CMC1: variants seen among roughly 807,000 people sequenced by gnomAD.
CMC1 encodes C-X9-C motif containing 1.
A neutral mutation model predicts 14.1 loss-of-function variants in CMC1; 14 were observed. The observed-to-expected ratio is 0.99, with a 90% CI of 0.66 to 1.55. The LOEUF (loss-of-function observed/expected upper bound fraction) is 1.55. CMC1 is among the 40% of genes most tolerant of loss of function. CMC1 has a pLI of 0.00. For missense variants in CMC1, 127 were observed against 123.8 expected (o/e 1.03, Z -0.12); for synonymous variants, 50 against 38.4 (o/e 1.30, Z -1.12).
At chr3:28,275,321 G>A (rs979421980) in intron 2 of CMC1, among the ~76,000 whole-genome samples, 1 of 126,186 alleles carries the variant, frequency 7.9e-6, no homozygotes, top group South Asian at 2.5e-4. Flanking sequence ...GTTACTGTTA[G>A]TTGTTTGTTT....
At chr3:28,302,600 T>C in intron 2 of CMC1, among the ~76,000 whole-genome samples, 1 of 152,220 alleles carries the variant, frequency 6.6e-6, no homozygotes, top group East Asian at 1.9e-4. Context: ...TTATATTTTG[T>C]TTGAAGAAGC....
At chr3:28,288,112 C>G (rs1016632536) in intron 2 of CMC1, among the ~76,000 whole-genome samples, 2 of 151,938 alleles carry the variant, frequency 1.3e-5, no homozygotes, top group African/African-American at 4.8e-5. Context: ...TTGAACAGCT[C>G]TGGTATTGAT....
In CMC1 at chr3:28,263,370, A is replaced by G. The variant is rs572139234; in HGVS notation, c.99A>G (p.Glu33=). ...AAAAGGCCAAAGAGAGGTGTTCTGA[A>G]CAAGTTCAAGGTAACATTCAAATAT... ...MREKAKERCS[E]QVQDFTKCCK... is the part of the protein sequence containing the mutation. The change falls in exon 2 of 4, where the codon GAA becomes GAG. Residue 33 remains glutamate (E), a synonymous_variant. Transcript: ENST00000466830. The G allele has an allele frequency of 9.3e-5, 148 of 1,596,652 alleles. 4 individuals are homozygous for G. In the South Asian group the frequency reaches 9.8e-4, roughly 11 times the overall value.
chr3:28,309,941 C>CCACA (rs57007112), intron 2 of CMC1, among the ~76,000 whole-genome samples: 1,876 of 132,524 alleles, frequency 0.014, 24 homozygotes, highest in South Asian at 0.018. Context: ...CTGACGTCCA[C>CCACA]CACACACACA....
Position 28,322,350 on chromosome 3 carries a change from C to T in CMC1, c.*2721C>T, listed in dbSNP as rs1338618787. 6.6e-6 allele frequency: 1 copy of T among 151,228 alleles called. No individual in the cohort carries two copies. The highest frequency in any genetic ancestry group is 1.5e-5 in the Non-Finnish European group (1 of 67,424). 9.4% of individuals were successfully genotyped at this position (151,228 alleles called of 1,614,324 possible). A position where few individuals can be genotyped will look rare whatever the true frequency, so the allele number is the denominator to read the frequency against. On this transcript the variant is annotated 3_prime_UTR_variant, in exon 4 of 4. Coordinates refer to ENST00000466830, the MANE Select transcript of CMC1 (RefSeq NM_182523.2). ...TATAGGCAAGGACAATATTTCACAT[C>T]CACTTCAATTTCAAACAAAAATATT... is the stretch of plus-strand genomic sequence containing the variant.
At chr3:28,280,458 A>G (rs539376545) in intron 2 of CMC1, among the ~76,000 whole-genome samples, 2 of 152,306 alleles carry the variant, frequency 1.3e-5, no homozygotes, top group South Asian at 4.1e-4. Context: ...ATGATGAAGT[A>G]TTTCTGGGTA....
chr3:28,316,405 A>G lies in CMC1; in HGVS notation c.182A>G (p.Lys61Arg), dbSNP rs759719927. 1.9e-6 allele frequency: 3 copies of G among 1,593,424 alleles called. No homozygotes were observed. The highest frequency in any genetic ancestry group is 2.6e-6 in the Non-Finnish European group (3 of 1,168,388). Residue 61 changes from lysine (K) to arginine (R), a missense_variant, in exon 3 of 4, where the codon AAA becomes AGA. Lys to Arg is a conservative substitution (Grantham distance 26, BLOSUM62 2). Transcript: ENST00000466830. The part of the protein sequence containing the change: ...VKCRKENSAL[K>R]ECLTAYYNDP... ...TGCCGGAAAGAAAATTCTGCATTGA[A>G]AGAATGTCTAACTGCTTAGTAAGTA...
At chr3:28,254,866 A>G (rs1196636259) in intron 1 of CMC1, among the ~76,000 whole-genome samples, 1 of 152,212 alleles carries the variant, frequency 6.6e-6, no homozygotes, top group Non-Finnish European at 1.5e-5. Flanking sequence ...ATTACACTGA[A>G]TAGTTACTGA....
intron 1 of CMC1, among the ~76,000 whole-genome samples, chr3:28,260,581 T>C (rs1699685786): frequency 6.6e-6 from 1 of 151,826 alleles, no homozygotes; most frequent in Admixed American, 6.6e-5. Flanking sequence ...ATTTGTGTGG[T>C]ATTCTTTATT....
intron 1 of CMC1, among the ~76,000 whole-genome samples, chr3:28,246,438 C>CAAAA (rs1698833494): frequency 6.6e-6 from 1 of 152,088 alleles, no homozygotes; most frequent in Non-Finnish European, 1.5e-5. Flanking sequence ...TAAACCATTT[C>CAAAA]AAGGATTTTG....
chr3:28,268,898 T>C (rs971600987), intron 2 of CMC1, among the ~76,000 whole-genome samples: 1 of 152,206 alleles, frequency 6.6e-6, no homozygotes, highest in Non-Finnish European at 1.5e-5. Flanking sequence ...GGTTTCACTT[T>C]CCATGGTTTC....
chr3:28,309,790 T>C (rs1253676616), intron 2 of CMC1, among the ~76,000 whole-genome samples: 1 of 150,984 alleles, frequency 6.6e-6, no homozygotes, highest in Admixed American at 6.6e-5. Context: ...TCGTATTTGG[T>C]ACATGCCTTT....
At chr3:28,252,610 G>A (rs557663699) in intron 1 of CMC1, among the ~76,000 whole-genome samples, 6 of 152,260 alleles carry the variant, frequency 3.9e-5, no homozygotes, top group Admixed American at 1.3e-4. Flanking sequence ...TTCAAATGGT[G>A]CTTCTGAAAC....
intron 1 of CMC1, among the ~76,000 whole-genome samples, chr3:28,256,794 C>T (rs754464582): frequency 6.6e-6 from 1 of 152,144 alleles, no homozygotes; most frequent in Admixed American, 6.5e-5. Flanking sequence ...CTAGTTACTA[C>T]TTAACCACTT....
chr3:28,317,582 A>AT (rs1386230111), intron 3 of CMC1: 1 of 152,048 alleles, frequency 6.6e-6, no homozygotes, highest in African/African-American at 2.4e-5. Context: ...TTCAGTCATC[A>AT]TAATTGTTAT....
At chr3:28,243,903 G>T (rs1376061620) in intron 1 of CMC1, among the ~76,000 whole-genome samples, 1 of 152,226 alleles carries the variant, frequency 6.6e-6, no homozygotes, top group Non-Finnish European at 1.5e-5. Flanking sequence ...GTGGTAGATG[G>T]TGAAGAGATT....
At chr3:28,266,085 TTC>T (rs1192657181) in intron 2 of CMC1, among the ~76,000 whole-genome samples, 14 of 152,136 alleles carry the variant, frequency 9.2e-5, no homozygotes, top group African/African-American at 3.4e-4. Context: ...TTCTTACTAG[TTC>T]TGTCTTCATT....
intron 1 of CMC1, among the ~76,000 whole-genome samples, chr3:28,255,473 TGGCCTCAAGTGAGCCGCC>T (rs1699350711): frequency 6.6e-6 from 1 of 152,040 alleles, no homozygotes. Context: ...CTTGAACTCC[TGGCCTCAAGTGAGCCGCC>T]TGCTTCAGCC....
At chr3:28,309,462 G>A (rs1330117068) in intron 2 of CMC1, among the ~76,000 whole-genome samples, 1 of 151,884 alleles carries the variant, frequency 6.6e-6, no homozygotes, top group Admixed American at 6.6e-5. Context: ...AGAAAATTAG[G>A]GGTTATCCTT....
Sources: gnomAD v4.1 joint callset for allele counts (sites outside exome capture counted in the v4.1 genomes callset) on GRCh38, gnomAD v4.1.1 for gene constraint, MANE v1.5 for transcripts, NCBI Gene and HGNC (gene_info 2026-07-23, HGNC 2026-07-21) for gene names.